The following SNRNP200 variants were observed in gnomAD, a reference collection of about 807,000 sequenced individuals.
SNRNP200 encodes the protein small nuclear ribonucleoprotein U5 subunit 200, also known as U5 small nuclear ribonucleoprotein 200 kDa helicase.
Under a neutral mutation model 255.2 loss-of-function variants are expected in SNRNP200, and 66 were observed. The observed-to-expected ratio is 0.26, with a 90% CI of 0.21 to 0.32. SNRNP200 has a LOEUF of 0.32. SNRNP200 is among the 10% of genes least tolerant of loss of function. SNRNP200 has a pLI of 1.00. For missense variants in SNRNP200, 1,585 were observed against 2,749.8 expected, an observed-to-expected ratio of 0.58 and a Z score of 9.47; for synonymous variants, 939 against 1,027.8, an observed-to-expected ratio of 0.91 and a Z score of 1.65.
At chr2:96,292,579 G>A (rs900478665) in intron 16 of SNRNP200, among the ~76,000 whole-genome samples, 2 of 152,060 alleles carry the variant, frequency 1.3e-5, no homozygotes, top group African/African-American at 4.8e-5. Context: ...TTTTATGGAG[G>A]GACCCTGGAT....
chr2:96,287,371 A>T lies in SNRNP200; in HGVS notation c.3484+68T>A, dbSNP rs1270963156. 8 of 1,259,170 alleles carry T rather than the reference A, an allele frequency of 6.4e-6. No homozygotes were observed. The highest frequency in any genetic ancestry group is 9.3e-6 in the Non-Finnish European group (8 of 856,492). 78.0% of individuals were successfully genotyped at this position (1,259,170 alleles called of 1,614,324 possible). ...ACTAATGCACAGGCCTAGGAACAGG[A>T]AGACTACATAGGCAAACTGGGAGAG... On this transcript the variant is annotated intron_variant, in intron 26 of 44. Coordinates refer to ENST00000323853, the MANE Select transcript of SNRNP200 (RefSeq NM_014014.5). The surrounding 1 kb of genome is among the most constrained non-coding windows in gnomAD (Gnocchi z 5.7).
chr2:96,277,703 T>A lies in SNRNP200; in HGVS notation c.5767A>T (p.Ile1923Phe). ...GAAAGGACATCCACGCAGGCCTGGATGAGCCGGATTGCCTGAACAGGAAAA... is the reference window on the plus strand; with the variant it reads ...GAAAGGACATCCACGCAGGCCTGGAAGAGCCGGATTGCCTGAACAGGAAAA... ...EEILSKAIRL[I>F]QACVDVLSSN... Residue 1923 changes from isoleucine to phenylalanine, a missense_variant, in exon 41 of 45, where the codon ATC becomes TTC. This residue lies in a region of SNRNP200 where 279 missense variants were observed against 551.2 expected (regional missense o/e 0.51). Coordinates refer to ENST00000323853, the MANE Select transcript of SNRNP200 (RefSeq NM_014014.5). The surrounding 1 kb of genome is among the most constrained non-coding windows in gnomAD (Gnocchi z 4.4). 6.2e-7 allele frequency: 1 copy of A among 1,613,960 alleles called. No individual in the cohort carries two copies. The highest frequency in any genetic ancestry group is 8.5e-7 in the Non-Finnish European group (1 of 1,179,860).
chr2:96,281,900 A>AGCC lies in SNRNP200; in HGVS notation c.4935_4937dup (p.Ala1646dup), dbSNP rs776679366. 1.1e-5 allele frequency: 17 copies of AGCC among 1,614,074 alleles called. No homozygotes were observed. Among genetic ancestry groups the AGCC allele is most frequent in the African/African-American group, 1.3e-5 (1 of 75,032 alleles). ...TCATGCCCCAGCAGAGACTCCGAGA[A>AGCC]GCCACCACCACCTGGATAGCCCCTG... On this transcript the variant is annotated inframe_insertion, in exon 35 of 45. Coordinates refer to ENST00000323853, the MANE Select transcript of SNRNP200 (RefSeq NM_014014.5).
Position 96,286,743 on chromosome 2 carries a change from G to A in SNRNP200, c.3774C>T (p.Val1258=), listed in dbSNP as rs1558766511. The A allele has an allele frequency of 6.2e-7, 1 of 1,614,204 alleles. No individual in the cohort carries two copies. Among genetic ancestry groups the A allele is most frequent in the Non-Finnish European group, 8.5e-7 (1 of 1,180,040 alleles). ...DEHLITFFVP[V]FEPLPPQYFI... ...AGTACTGAGGGGGCAGCGGTTCAAA[G>A]ACAGGCACGAAGAATGTAATGAGGT... Residue 1258 remains valine, a synonymous_variant, in exon 28 of 45, where the codon GTC becomes GTT. Coordinates refer to ENST00000323853, the MANE Select transcript of SNRNP200 (RefSeq NM_014014.5). This position sits in a 1 kb window ranked among gnomAD's most constrained non-coding sequence, Gnocchi z 4.8.
intron 35 of SNRNP200, chr2:96,279,912 T>C (rs1684731256): frequency 3.1e-6 from 1 of 323,686 alleles, no homozygotes; most frequent in Non-Finnish European, 6.0e-6. Context: ...TTATTGTTTT[T>C]ATTTGTTTTT....
In SNRNP200 at chr2:96,283,134, C is replaced by A. The variant is rs749837544; in HGVS notation, c.4915+67G>T. 1 of 1,591,350 alleles carries A rather than the reference C, an allele frequency of 6.3e-7. No homozygotes were observed. The highest frequency in any genetic ancestry group is 1.7e-5 in the Admixed American group (1 of 60,004). On this transcript the variant is annotated intron_variant, in intron 34 of 44. Coordinates refer to ENST00000323853, the MANE Select transcript of SNRNP200 (RefSeq NM_014014.5). This position sits in a 1 kb window ranked among gnomAD's most constrained non-coding sequence, Gnocchi z 4.7. ...TGTAGAGAAAACACTGCCACCCGCA[C>A]CCCTCAAGTTTAACACCACCACTTG...
chr2:96,299,308 G>A (rs1168944606), intron 6 of SNRNP200, 21 bp downstream of exon 6: 4 of 1,606,326 alleles, frequency 2.5e-6, no homozygotes, highest in African/African-American at 1.3e-5. Context: ...GTAGCAATGA[G>A]GAAGAGCAAA....
chr2:96,281,744 G>C, intron 35 of SNRNP200, 70 bp downstream of exon 35: 1 of 1,203,980 alleles, frequency 8.3e-7, no homozygotes, highest in Non-Finnish European at 1.2e-6. Context: ...CTTACTTTCT[G>C]TGTATCTGCA....
Position 96,277,145 on chromosome 2 carries a change from A to T in SNRNP200, c.6028T>A (p.Phe2010Ile). The T allele has an allele frequency of 1.9e-6, 3 of 1,614,218 alleles. No individual in the cohort carries two copies. Among genetic ancestry groups the T allele is most frequent in the African/African-American group, 1.3e-5 (1 of 75,046 alleles). The change falls in exon 42 of 45, where the codon TTT (phenylalanine) becomes ATT (isoleucine). Residue 2010 changes from phenylalanine (F) to isoleucine (I), a missense_variant. Physicochemically the swap from Phe to Ile is conservative, Grantham distance 21. This residue lies in a region of SNRNP200 where 279 missense variants were observed against 551.2 expected (regional missense o/e 0.51). Coordinates refer to ENST00000323853, the MANE Select transcript of SNRNP200 (RefSeq NM_014014.5). This position sits in a 1 kb window ranked among gnomAD's most constrained non-coding sequence, Gnocchi z 4.4. ...TDSQIADVARFCNRYPNIELS... is the reference protein window; with the variant it reads ...TDSQIADVARICNRYPNIELS... ...TCGATATTAGGGTAGCGGTTACAAA[A>T]GCGAGCCACATCTGCAATCTGGCTG... is the stretch of plus-strand genomic sequence containing the variant.
At chr2:96,293,855 T>C (rs1426682677) in intron 14 of SNRNP200, among the ~76,000 whole-genome samples, 1 of 152,194 alleles carries the variant, frequency 6.6e-6, no homozygotes, top group South Asian at 2.1e-4. Context: ...GCAGTTATAG[T>C]TCCCAAGAAC....
intron 14 of SNRNP200, among the ~76,000 whole-genome samples, chr2:96,295,227 T>C (rs774442639): frequency 5.3e-5 from 8 of 151,648 alleles, no homozygotes; most frequent in African/African-American, 1.7e-4. Context: ...AACAAACAAA[T>C]AAATAAATAA....
chr2:96,284,492 C>T lies in SNRNP200; in HGVS notation c.4258G>A (p.Gly1420Ser). ...GETSTDLKLL[G>S]KGNIIISTPE... The stretch of plus-strand genomic sequence containing the variant: ...GTGCTGATGATAATGTTCCCTTTGC[C>T]CAGCAGCTTCAGGTCTGTGCTGGTC... Residue 1420 changes from glycine (G) to serine (S), a missense_variant, in exon 31 of 45, where the codon GGC becomes AGC. This residue lies in a region of SNRNP200 where 719 missense variants were observed against 1,091.1 expected (regional missense o/e 0.66). Transcript: ENST00000323853. 1 of 1,614,196 alleles carries T rather than the reference C, an allele frequency of 6.2e-7. No individual in the cohort carries two copies. The highest frequency in any genetic ancestry group is 2.2e-5 in the East Asian group (1 of 44,882).
At position 96,274,976 on chromosome 2, in the gene SNRNP200, C is replaced by T. The variant is rs1684629994; in HGVS notation, c.*36G>A. 1 of 1,611,798 alleles carries T rather than the reference C, an allele frequency of 6.2e-7. No individual in the cohort carries two copies. ...AATGTACACATTCCTAATTCAGGCTCAACTCTCCTTTACCCAAAAGTAAAT... is the reference window on the plus strand; with the variant it reads ...AATGTACACATTCCTAATTCAGGCTTAACTCTCCTTTACCCAAAAGTAAAT... On this transcript the variant is annotated 3_prime_UTR_variant, in exon 45 of 45. Coordinates refer to ENST00000323853, the MANE Select transcript of SNRNP200 (RefSeq NM_014014.5).
chr2:96,298,000 G>A (rs890461021), intron 9 of SNRNP200, among the ~76,000 whole-genome samples: 1 of 152,316 alleles, frequency 6.6e-6, no homozygotes, highest in East Asian at 1.9e-4. Context: ...CATTAAGCAA[G>A]TACATGTGTT....
At position 96,290,290 on chromosome 2, in the gene SNRNP200, G is replaced by T; in HGVS notation, c.2742+36C>A. 5.6e-6 allele frequency: 9 copies of T among 1,610,296 alleles called. No homozygotes were observed. Among genetic ancestry groups the T allele is most frequent in the Non-Finnish European group, 7.6e-6 (9 of 1,177,796 alleles). ...ACTCCTGGTGCCTTGGTGTCTGCGG[G>T]GAAAGCATGAAGCACAACAAGCAGT... On this transcript the variant is annotated intron_variant, in intron 20 of 44. Coordinates refer to ENST00000323853, the MANE Select transcript of SNRNP200 (RefSeq NM_014014.5). The surrounding 1 kb of genome is among the most constrained non-coding windows in gnomAD (Gnocchi z 4.5).
Position 96,287,058 on chromosome 2 carries a change from G to A in SNRNP200, c.3587C>T (p.Ser1196Phe), listed in dbSNP as rs897777710. The A allele has an allele frequency of 6.2e-7, 1 of 1,614,182 alleles. No individual in the cohort carries two copies. The highest frequency in any genetic ancestry group is 8.5e-7 in the Non-Finnish European group (1 of 1,180,002). ...LSVHLQPITR[S>F]TLKVELTITP... is the part of the protein sequence containing the mutation. Reference sequence around the variant, plus strand: ...GATGGTCAGCTCCACCTTCAGGGTGGAGCGTGTGATAGGCTGCAGGTGCAC... The same window carrying A: ...GATGGTCAGCTCCACCTTCAGGGTGAAGCGTGTGATAGGCTGCAGGTGCAC... The change falls in exon 27 of 45, where the codon TCC (serine) becomes TTC (phenylalanine). Residue 1196 changes from serine (S) to phenylalanine (F), a missense_variant. Physicochemically the swap from Ser to Phe is radical, Grantham distance 155. Transcript: ENST00000323853. This position sits in a 1 kb window ranked among gnomAD's most constrained non-coding sequence, Gnocchi z 5.7.
chr2:96,293,664 T>A (rs2063898999), intron 14 of SNRNP200, among the ~76,000 whole-genome samples, 155 bp from the exon 15 acceptor site: 1 of 152,216 alleles, frequency 6.6e-6, no homozygotes, highest in Admixed American at 6.5e-5. Context: ...GAGACAATAT[T>A]TCCCATGAAA....
chr2:96,297,591 T>A (rs2063924708), intron 10 of SNRNP200, 46 bp downstream of exon 10: 2 of 1,613,664 alleles, frequency 1.2e-6, no homozygotes, highest in Non-Finnish European at 8.5e-7. Flanking sequence ...AGCAAGTGAG[T>A]TTTCCATCCA....
chr2:96,282,617 C>T (rs1303107576), intron 34 of SNRNP200: 1 of 195,974 alleles, frequency 5.1e-6, no homozygotes, highest in Non-Finnish European at 1.1e-5. Flanking sequence ...TGGTTTAGCA[C>T]CACCCACCCT....
Sources: gnomAD v4.1 joint callset for allele counts (sites outside exome capture counted in the v4.1 genomes callset) on GRCh38, gnomAD v4.1.1 for gene constraint, gnomAD v4.1.1 regional missense constraint, Gnocchi (gnomAD v3.1) non-coding constraint, MANE v1.5 for transcripts, NCBI Gene and HGNC (gene_info 2026-07-23, HGNC 2026-07-21) for gene names.